PRKAR2A: variants seen among roughly 807,000 people sequenced by gnomAD.
PRKAR2A encodes the protein cAMP-dependent protein kinase type II-alpha regulatory subunit.
PRKAR2A carries 29 observed loss-of-function variants against 51.9 expected under a neutral mutation model. That is an observed-to-expected ratio of 0.56 (90% CI 0.42 to 0.76). PRKAR2A has a LOEUF of 0.76. Ranked by LOEUF, PRKAR2A falls within the 30% of genes least tolerant of loss-of-function variation. PRKAR2A has a pLI of 0.00. For missense variants in PRKAR2A, 445 were observed against 512.1 expected, an observed-to-expected ratio of 0.87 and a Z score of 1.26; for synonymous variants, 178 against 186.2, an observed-to-expected ratio of 0.96 and a Z score of 0.36.
chr3:48,768,301 A>ATAGATAGT (rs2081971149), intron 6 of PRKAR2A, among the ~76,000 whole-genome samples: 1 of 148,506 alleles, frequency 6.7e-6, no homozygotes, highest in Non-Finnish European at 1.5e-5. Flanking sequence ...CAAAAGATAG[A>ATAGATAGT]TAGATAGATA....
intron 1 of PRKAR2A, among the ~76,000 whole-genome samples, chr3:48,832,313 A>G (rs2083202901): frequency 1.3e-5 from 2 of 151,618 alleles, no homozygotes; most frequent in South Asian, 2.1e-4. Context: ...AAAAAAAACA[A>G]AAAAAAACAA....
intron 1 of PRKAR2A, among the ~76,000 whole-genome samples, chr3:48,816,376 C>T (rs759095031): frequency 1.3e-5 from 2 of 152,206 alleles, no homozygotes; most frequent in Admixed American, 6.5e-5. Flanking sequence ...GTGCTCAGCA[C>T]ATGGCGGATT....
Position 48,847,565 on chromosome 3 carries a change from G to A in PRKAR2A, c.32C>T (p.Thr11Met), listed in dbSNP as rs570925103. ...CACCGTGTAGCCCTGCAGCAGCTCCGTGAGCCCCGGCGGGATCTGGATGTG... is the reference window on the plus strand; with the variant it reads ...CACCGTGTAGCCCTGCAGCAGCTCCATGAGCCCCGGCGGGATCTGGATGTG... MSHIQIPPGLTELLQGYTVEV... is the reference protein window; with the variant it reads MSHIQIPPGLMELLQGYTVEV... Residue 11 changes from threonine (T) to methionine (M), a missense_variant, in exon 1 of 11, where the codon ACG becomes ATG. Coordinates refer to ENST00000265563, the MANE Select transcript of PRKAR2A (RefSeq NM_004157.4). This position sits in a 1 kb window ranked among gnomAD's most constrained non-coding sequence, Gnocchi z 4.4. The A allele has an allele frequency of 2.6e-6, 4 of 1,552,292 alleles. No homozygotes were observed. The highest frequency in any genetic ancestry group is 3.9e-5 in the Admixed American group (2 of 51,472).
intron 1 of PRKAR2A, among the ~76,000 whole-genome samples, chr3:48,814,796 A>G (rs1165036848): frequency 1.3e-5 from 2 of 152,152 alleles, no homozygotes; most frequent in Non-Finnish European, 2.9e-5. Context: ...CAAGCAGATC[A>G]TTTTTATTTT....
rs560778856 is a variant in PRKAR2A at position 48,827,586 on chromosome 3, A to G, written c.262+19749T>C. Among the ~76,000 whole-genome samples, 3 of 152,300 alleles carry G rather than the reference A, an allele frequency of 2.0e-5. No homozygotes were observed. In the South Asian group the frequency reaches 6.2e-4, roughly 32 times the overall value. On this transcript the variant is annotated intron_variant, in intron 1 of 10. Coordinates refer to ENST00000265563, the MANE Select transcript of PRKAR2A (RefSeq NM_004157.4). ...ACACCTAGAATATATGGTAAAGCCT[A>G]TTACTCCTAGGCTATTTGTATATCT...
intron 1 of PRKAR2A, among the ~76,000 whole-genome samples, chr3:48,837,985 T>A (rs373759845): frequency 2.3e-4 from 35 of 151,434 alleles, no homozygotes; most frequent in African/African-American, 8.2e-4. Flanking sequence ...GAGACCATCC[T>A]GGCTAACACA....
rs867959267 is a variant in PRKAR2A, at chr3:48,847,432, T to G, written c.165A>C (p.Pro55=). 6.3e-7 allele frequency: 1 copy of G among 1,587,034 alleles called. No individual in the cohort carries two copies. The highest frequency in any genetic ancestry group is 8.6e-7 in the Non-Finnish European group (1 of 1,166,746). Residue 55 remains proline (P), a synonymous_variant, in exon 1 of 11, where the codon CCA becomes CCC. Coordinates refer to ENST00000265563, the MANE Select transcript of PRKAR2A (RefSeq NM_004157.4). This position sits in a 1 kb window ranked among gnomAD's most constrained non-coding sequence, Gnocchi z 4.4. ...GCGGGGGGTGGCCCAGGCTCTGGCG[T>G]GGGGTGGCGGCGGGCAGGACTGAGG... ...APASVLPAAT[P]RQSLGHPPPE...
At chr3:48,784,462 C>T (rs989090738) in intron 4 of PRKAR2A, among the ~76,000 whole-genome samples, 27 of 152,116 alleles carry the variant, frequency 1.8e-4, no homozygotes, top group Admixed American at 1.0e-3. Flanking sequence ...GGAATGTGAG[C>T]CCAGTGTTGC....
intron 1 of PRKAR2A, among the ~76,000 whole-genome samples, chr3:48,843,813 T>C (rs2083417714): frequency 2.6e-5 from 4 of 151,912 alleles, no homozygotes; most frequent in African/African-American, 9.7e-5. Flanking sequence ...ATCCCTTCCT[T>C]ACACCTTATA....
chr3:48,796,389 G>A (rs2082491388), intron 2 of PRKAR2A, among the ~76,000 whole-genome samples: 1 of 152,158 alleles, frequency 6.6e-6, no homozygotes, highest in Non-Finnish European at 1.5e-5. Context: ...TGTTATGTTG[G>A]TTCTGTTCTC....
intron 1 of PRKAR2A, among the ~76,000 whole-genome samples, chr3:48,839,102 A>G (rs1437848641): frequency 6.6e-6 from 1 of 152,046 alleles, no homozygotes; most frequent in South Asian, 2.1e-4. Flanking sequence ...AGCCTGGCCA[A>G]CATGATGAAA....
At chr3:48,798,627 C>T (rs888214759) in intron 2 of PRKAR2A, among the ~76,000 whole-genome samples, 1 of 151,520 alleles carries the variant, frequency 6.6e-6, no homozygotes, top group African/African-American at 2.4e-5. Flanking sequence ...ATTATACTAA[C>T]TTTCTCTACT....
At chr3:48,825,421 G>A (rs925649083) in intron 1 of PRKAR2A, among the ~76,000 whole-genome samples, 1 of 152,176 alleles carries the variant, frequency 6.6e-6, no homozygotes, top group East Asian at 1.9e-4. Flanking sequence ...CTCTTAAGGA[G>A]TAGGGATGGA....
intron 5 of PRKAR2A, among the ~76,000 whole-genome samples, chr3:48,777,279 T>G (rs2082119649): frequency 6.6e-6 from 1 of 152,194 alleles, no homozygotes; most frequent in Non-Finnish European, 1.5e-5. Context: ...GTATATGTAG[T>G]GTCATCAGTC....
At chr3:48,745,208 C>T (rs186259414), downstream of PRKAR2A, among the ~76,000 whole-genome samples, 11 of 143,848 alleles carry the variant, frequency 7.6e-5, no homozygotes, top group African/African-American at 2.3e-4. Flanking sequence ...CCGTGCCAGG[C>T]TATTTTTTAT....
chr3:48,752,412 C>T (rs994908480), intron 9 of PRKAR2A, 95 bp from the exon 10 acceptor site: 2 of 1,301,280 alleles, frequency 1.5e-6, no homozygotes, highest in African/African-American at 3.0e-5. Context: ...GCATACTCTA[C>T]ACAATTACTG....
Position 48,792,203 on chromosome 3 carries a change from G to A in PRKAR2A, c.352-1576C>T, listed in dbSNP as rs185104380. The stretch of plus-strand genomic sequence containing the variant: ...GTTGCCCAGGTTGGAGTGCAGTGGC[G>A]CAATTCTGGCTCACTGCAACCTCCA... On this transcript the variant is annotated intron_variant, in intron 3 of 10. Transcript: ENST00000265563. Among the ~76,000 whole-genome samples, 286 of 151,340 alleles carry A rather than the reference G, an allele frequency of 1.9e-3. 3 individuals carry two copies. The highest frequency in any genetic ancestry group is 6.3e-3 in the African/African-American group (259 of 41,304).
intron 8 of PRKAR2A, among the ~76,000 whole-genome samples, chr3:48,756,650 G>C (rs1232377647): frequency 6.6e-6 from 1 of 152,150 alleles, no homozygotes; most frequent in Non-Finnish European, 1.5e-5. Context: ...GGTGAGATTT[G>C]AGCAAATATT....
Position 48,775,803 on chromosome 3 carries a change from G to A in PRKAR2A, c.543-2695C>T, listed in dbSNP as rs929879114. On this transcript the variant is annotated intron_variant, in intron 5 of 10. Transcript: ENST00000265563. The stretch of plus-strand genomic sequence containing the variant: ...AATACATGTTTCTATCTATATTATG[G>A]AGTCATTAAAAATAATGACAGAGGC... 5.9e-5 allele frequency among the ~76,000 whole-genome samples: 9 copies of A among 151,886 alleles called. No individual in the cohort carries two copies. In the South Asian group the frequency reaches 1.9e-3, roughly 32 times the overall value.
Sources: gnomAD v4.1 joint callset for allele counts (sites outside exome capture counted in the v4.1 genomes callset) on GRCh38, gnomAD v4.1.1 for gene constraint, Gnocchi (gnomAD v3.1) non-coding constraint, MANE v1.5 for transcripts, NCBI Gene and HGNC (gene_info 2026-07-23, HGNC 2026-07-21) for gene names.